GHR: variants seen among roughly 807,000 people sequenced by gnomAD.
The protein encoded by GHR is GH receptor.
GHR carries 35 observed loss-of-function variants against 67.1 expected under a neutral mutation model. The ratio of observed to expected loss-of-function variants is 0.52; its 90% confidence interval spans 0.40 to 0.69. The LOEUF (loss-of-function observed/expected upper bound fraction) is 0.69. Ranked by LOEUF, GHR falls within the 30% of genes least tolerant of loss-of-function variation. The pLI is 0.00. For missense variants in GHR, 792 were observed against 764.6 expected (o/e 1.04, Z -0.42); for synonymous variants, 272 against 269.1 (o/e 1.01, Z -0.10).
At position 42,424,306 on chromosome 5, in the gene GHR, C is replaced by A. The variant is rs1010462786; in HGVS notation, c.-12+351C>A. 2.0e-6 allele frequency: 1 copy of A among 490,576 alleles called. No individual in the cohort carries two copies. The highest frequency in any genetic ancestry group is 3.7e-6 in the Non-Finnish European group (1 of 268,224). 30.4% of individuals were successfully genotyped at this position (490,576 alleles called of 1,614,324 possible). A position where few individuals can be genotyped will look rare whatever the true frequency, so the allele number is the denominator to read the frequency against. On this transcript the variant is annotated intron_variant, in intron 1 of 9. Coordinates refer to ENST00000230882, the MANE Select transcript of GHR (RefSeq NM_000163.5). This position sits in a 1 kb window ranked among gnomAD's most constrained non-coding sequence, Gnocchi z 4.1. ...TCTGCTCTGGCCCGCGAGTAGTGTACGTGGAGGGGTTTACTCCGGAGACAG... is the reference window on the plus strand; with the variant it reads ...TCTGCTCTGGCCCGCGAGTAGTGTAAGTGGAGGGGTTTACTCCGGAGACAG...
chr5:42,610,666 G>GA (rs112288959), intron 2 of GHR, among the ~76,000 whole-genome samples: 6,513 of 142,716 alleles, frequency 0.046, 202 homozygotes, highest in Middle Eastern at 0.095. Context: ...AATCCCAGTG[G>GA]AAAAAAAAAA....
chr5:42,455,763 TA>T (rs1744234125), intron 1 of GHR, among the ~76,000 whole-genome samples: 1 of 152,160 alleles, frequency 6.6e-6, no homozygotes, highest in Non-Finnish European at 1.5e-5. Flanking sequence ...GCTGGAGAAA[TA>T]TTTTACAAAC....
rs1272285669 is a variant in GHR, at chr5:42,660,019, C to A, written c.137-28871C>A. Among the ~76,000 whole-genome samples the A allele has an allele frequency of 5.9e-5, 9 of 152,198 alleles. 1 individual carries two copies. Among genetic ancestry groups the A allele is most frequent in the African/African-American group, 2.2e-4 (9 of 41,458 alleles). ...TCTCGCTGATTGCTAGCACAGCAGT[C>A]TGAGATCAAACTGCAAGGTGGCAGC... is the stretch of plus-strand genomic sequence containing the variant. On this transcript the variant is annotated intron_variant, in intron 3 of 9. Coordinates refer to ENST00000230882, the MANE Select transcript of GHR (RefSeq NM_000163.5).
At chr5:42,701,568 T>C (rs1757930295) in intron 6 of GHR, among the ~76,000 whole-genome samples, 3 of 152,188 alleles carry the variant, frequency 2.0e-5, no homozygotes, top group South Asian at 4.1e-4. Context: ...CATATTTGAA[T>C]TGGCAAACAT....
chr5:42,706,621 C>T (rs1247975538), intron 6 of GHR, among the ~76,000 whole-genome samples: 1 of 152,012 alleles, frequency 6.6e-6, no homozygotes, highest in African/African-American at 2.4e-5. Flanking sequence ...TAGCCAGTTA[C>T]CCAGCACCAT....
chr5:42,535,548 G>A (rs1273607566), intron 1 of GHR, among the ~76,000 whole-genome samples: 1 of 152,074 alleles, frequency 6.6e-6, no homozygotes, highest in East Asian at 1.9e-4. Flanking sequence ...ATGCTGTTTT[G>A]GTGACTATGG....
chr5:42,651,653 CAGTTTTCCA>C (rs1755022949), intron 3 of GHR, among the ~76,000 whole-genome samples: 1 of 152,086 alleles, frequency 6.6e-6, no homozygotes, highest in Non-Finnish European at 1.5e-5. Flanking sequence ...GTTTCTTTAA[CAGTTTTCCA>C]AACTGACATT....
At chr5:42,498,205 C>A (rs543962776) in intron 1 of GHR, among the ~76,000 whole-genome samples, 8 of 152,166 alleles carry the variant, frequency 5.3e-5, no homozygotes, top group Non-Finnish European at 1.0e-4. Flanking sequence ...ATGCCTAGAG[C>A]CTTGTTTACT....
chr5:42,583,505 A>G (rs1241064704), intron 2 of GHR, among the ~76,000 whole-genome samples: 1 of 152,208 alleles, frequency 6.6e-6, no homozygotes, highest in Non-Finnish European at 1.5e-5. Context: ...AACAGCAGGA[A>G]AGTGACCAGT....
At chr5:42,610,244 C>G (rs568118010) in intron 2 of GHR, among the ~76,000 whole-genome samples, 1 of 152,250 alleles carries the variant, frequency 6.6e-6, no homozygotes, top group East Asian at 1.9e-4. Context: ...CTGGCTCCTC[C>G]TTGGCAAACA....
chr5:42,666,834 A>T (rs1303390005), intron 3 of GHR, among the ~76,000 whole-genome samples: 1 of 152,206 alleles, frequency 6.6e-6, no homozygotes, highest in Non-Finnish European at 1.5e-5. Context: ...TAAATCGCAG[A>T]TCTTTTCAAC....
At chr5:42,572,389 G>A (rs1750375891) in intron 2 of GHR, among the ~76,000 whole-genome samples, 1 of 152,162 alleles carries the variant, frequency 6.6e-6, no homozygotes, top group Admixed American at 6.5e-5. Flanking sequence ...TACTCACATG[G>A]ATTGTTAAAT....
intron 1 of GHR, among the ~76,000 whole-genome samples, chr5:42,500,864 A>T (rs1034593799): frequency 6.6e-6 from 1 of 152,260 alleles, no homozygotes; most frequent in Non-Finnish European, 1.5e-5. Flanking sequence ...TTAAGAAATG[A>T]TTAAATTAAG....
At chr5:42,456,750 G>A (rs1430354869) in intron 1 of GHR, among the ~76,000 whole-genome samples, 3 of 152,096 alleles carry the variant, frequency 2.0e-5, no homozygotes, top group African/African-American at 2.4e-5. Context: ...GAAAAGAGAC[G>A]GTAAACAAAC....
intron 1 of GHR, among the ~76,000 whole-genome samples, chr5:42,479,793 T>C (rs568089280): frequency 6.6e-6 from 1 of 152,306 alleles, no homozygotes; most frequent in South Asian, 2.1e-4. Flanking sequence ...TTTATTAGTC[T>C]TGCTAGCATT....
chr5:42,538,011 G>T (rs1748337533), intron 1 of GHR, among the ~76,000 whole-genome samples: 1 of 152,094 alleles, frequency 6.6e-6, no homozygotes, highest in Non-Finnish European at 1.5e-5. Flanking sequence ...TGCATGAAAT[G>T]CCTTTTTCCA....
At position 42,588,346 on chromosome 5, in the gene GHR, C is replaced by T. The variant is rs142708645; in HGVS notation, c.70+22402C>T. Reference sequence around the variant, plus strand: ...CATCCTGGCTAACACAGTGAAACCCCGTCTCTACTAAAAATACAAAAAAAT... The same window carrying T: ...CATCCTGGCTAACACAGTGAAACCCTGTCTCTACTAAAAATACAAAAAAAT... On this transcript the variant is annotated intron_variant, in intron 2 of 9. Coordinates refer to ENST00000230882, the MANE Select transcript of GHR (RefSeq NM_000163.5). 2.2e-3 allele frequency among the ~76,000 whole-genome samples: 326 copies of T among 151,604 alleles called. 8 individuals are homozygous for T. The East Asian group carries it at 0.057, about 27-fold the overall frequency.
intron 1 of GHR, among the ~76,000 whole-genome samples, chr5:42,558,827 T>G (rs1284070298): frequency 6.6e-6 from 1 of 152,204 alleles, no homozygotes; most frequent in Non-Finnish European, 1.5e-5. Context: ...ATGACTGTAA[T>G]CACATTTAAA....
intron 1 of GHR, among the ~76,000 whole-genome samples, chr5:42,469,738 C>G (rs1427241266): frequency 6.6e-6 from 1 of 152,212 alleles, no homozygotes; most frequent in Non-Finnish European, 1.5e-5. Context: ...ACCCAGACAA[C>G]TGGGAAATGG....
Sources: gnomAD v4.1 joint callset for allele counts (sites outside exome capture counted in the v4.1 genomes callset) on GRCh38, gnomAD v4.1.1 for gene constraint, Gnocchi (gnomAD v3.1) non-coding constraint, MANE v1.5 for transcripts, NCBI Gene and HGNC (gene_info 2026-07-23, HGNC 2026-07-21) for gene names.